The following MSR1 variants were observed in gnomAD, a reference collection of about 807,000 sequenced individuals.
MSR1 encodes macrophage scavenger receptor types I and II.
Under a neutral mutation model 47.2 loss-of-function variants are expected in MSR1, and 53 were observed. The observed-to-expected ratio is 1.12, with a 90% CI of 0.90 to 1.41. MSR1 has a LOEUF of 1.41. Among genes scored for constraint, MSR1 ranks in the 40% most tolerant of loss-of-function variants. The probability of loss-of-function intolerance (pLI) is 0.00; values close to 1 mark genes in which losing one functional copy is unlikely to be tolerated. For synonymous variants in MSR1, 239 were observed against 185.6 expected (o/e 1.29, Z -2.34); for missense variants, 786 against 546.9 (o/e 1.44, Z -4.36).
intron 5 of MSR1, among the ~76,000 whole-genome samples, chr8:16,161,717 A>G (rs1276883889): frequency 6.6e-6 from 1 of 151,998 alleles, no homozygotes; most frequent in Non-Finnish European, 1.5e-5. Flanking sequence ...GTAAATTTAC[A>G]TAATTTTACT....
intron 6 of MSR1, among the ~76,000 whole-genome samples, 189 bp from the exon 7 acceptor site, chr8:16,150,500 T>C (rs536935117): frequency 3.3e-5 from 5 of 152,174 alleles, no homozygotes; most frequent in African/African-American, 1.2e-4. Flanking sequence ...TAAACCTTAG[T>C]ACATTCAGCA....
At chr8:16,178,609 G>T (rs1169117791) in intron 1 of MSR1, among the ~76,000 whole-genome samples, 4 of 151,998 alleles carry the variant, frequency 2.6e-5, no homozygotes, top group Non-Finnish European at 4.4e-5. Flanking sequence ...TAATCCTTTG[G>T]GTATATACCC....
At chr8:16,179,312 G>C (rs1801755101) in intron 1 of MSR1, among the ~76,000 whole-genome samples, 1 of 152,136 alleles carries the variant, frequency 6.6e-6, no homozygotes, top group Non-Finnish European at 1.5e-5. Flanking sequence ...TGACAAAAGA[G>C]AGGATTTGGG....
At chr8:16,172,489 G>T (rs557685269) in intron 3 of MSR1, among the ~76,000 whole-genome samples, 1 of 152,172 alleles carries the variant, frequency 6.6e-6, no homozygotes, top group African/African-American at 2.4e-5. Context: ...TGGAGAGATG[G>T]CATTTTGTGA....
chr8:16,160,789 T>A (rs1163518404), intron 5 of MSR1, among the ~76,000 whole-genome samples: 4 of 151,960 alleles, frequency 2.6e-5, no homozygotes, highest in Non-Finnish European at 4.4e-5. Flanking sequence ...CTATATTAAC[T>A]TTTACTTGTT....
intron 1 of MSR1, among the ~76,000 whole-genome samples, chr8:16,182,630 G>A (rs1801867708): frequency 6.6e-6 from 1 of 150,606 alleles, no homozygotes. Context: ...ACACACATTA[G>A]CCTAGGCCTA....
intron 3 of MSR1, among the ~76,000 whole-genome samples, chr8:16,174,390 A>G (rs1202718704): frequency 6.6e-6 from 1 of 152,174 alleles, no homozygotes; most frequent in African/African-American, 2.4e-5. Context: ...ATAAATTCAA[A>G]TGCCAATCGA....
chr8:16,127,608 T>C (rs1563142327), intron 8 of MSR1, among the ~76,000 whole-genome samples: 1 of 152,030 alleles, frequency 6.6e-6, no homozygotes, highest in African/African-American at 2.4e-5. Context: ...AAGGAAAAAA[T>C]GCGGCATTCT....
At chr8:16,162,407 G>T (rs981039892) in intron 5 of MSR1, among the ~76,000 whole-genome samples, 1 of 151,996 alleles carries the variant, frequency 6.6e-6, no homozygotes. Flanking sequence ...TCAGGCAGAA[G>T]GAAAATAATC....
intron 5 of MSR1, among the ~76,000 whole-genome samples, chr8:16,159,482 G>C (rs868773257): frequency 6.6e-6 from 1 of 151,824 alleles, no homozygotes; most frequent in African/African-American, 2.4e-5. Flanking sequence ...TCTTTTAACT[G>C]TATAATTATT....
chr8:16,110,974 A>T (rs1799744138), intron 9 of MSR1, among the ~76,000 whole-genome samples: 1 of 152,112 alleles, frequency 6.6e-6, no homozygotes, highest in African/African-American at 2.4e-5. Flanking sequence ...TTGAAATTTT[A>T]AGGCAGAAGA....
In MSR1 at chr8:16,143,590, T is replaced by C; in HGVS notation, c.1001A>G (p.Gln334Arg). Residue 334 changes from glutamine to arginine, a missense_variant, in exon 8 of 10, where the codon CAG becomes CGG. Gln to Arg is a conservative substitution (Grantham distance 43, BLOSUM62 1). Coordinates refer to ENST00000262101, the MANE Select transcript of MSR1 (RefSeq NM_138715.3). Reference sequence around the variant, plus strand: ...GTTTCCACTCCCCTTTTCCCCTTTCTGGCCTTTTGGTCCAGAATTTCCTTG... The same window carrying C: ...GTTTCCACTCCCCTTTTCCCCTTTCCGGCCTTTTGGTCCAGAATTTCCTTG... The part of the protein sequence containing the change: ...GRPGNSGPKG[Q>R]KGEKGSGNTL... 1.9e-6 allele frequency: 3 copies of C among 1,612,522 alleles called. No homozygotes were observed. The highest frequency in any genetic ancestry group is 2.5e-6 in the Non-Finnish European group (3 of 1,178,988).
intron 1 of MSR1, among the ~76,000 whole-genome samples, chr8:16,191,710 C>T (rs1802204501): frequency 6.6e-6 from 1 of 152,096 alleles, no homozygotes; most frequent in Non-Finnish European, 1.5e-5. Flanking sequence ...AGCTCTTACC[C>T]ACTGCATAAA....
intron 2 of MSR1, among the ~76,000 whole-genome samples, chr8:16,175,847 A>T (rs1585189519): frequency 6.6e-6 from 1 of 152,330 alleles, no homozygotes; most frequent in South Asian, 2.1e-4. Flanking sequence ...AAATGAAATA[A>T]AGTGATTCAC....
intron 3 of MSR1, among the ~76,000 whole-genome samples, chr8:16,170,663 A>G (rs1004069748): frequency 5.3e-5 from 8 of 152,158 alleles, no homozygotes; most frequent in African/African-American, 1.9e-4. Flanking sequence ...TAGATTTTTG[A>G]GAATTAAACA....
In MSR1 at chr8:16,172,172, C is replaced by G. The variant is rs576209144; in HGVS notation, c.217+3015G>C. Among the ~76,000 whole-genome samples, 15 of 152,208 alleles carry G rather than the reference C, an allele frequency of 9.9e-5. No homozygotes were observed. The South Asian group carries it at 2.9e-3, about 30-fold the overall frequency. ...TATGCACATTGCTCTGATTGCTCAA[C>G]CATATACTTTTACTTTCACTGGAAA... is the stretch of plus-strand genomic sequence containing the variant. On this transcript the variant is annotated intron_variant, in intron 3 of 9. Transcript: ENST00000262101.
Position 16,109,405 on chromosome 8 carries a change from A to G in MSR1, c.*680T>C, listed in dbSNP as rs1799706970. Reference sequence around the variant, plus strand: ...AAGTGGCATTTTTGATCCACCAATTATCTGGACAAATATACTGATGGTCAG... The same window carrying G: ...AAGTGGCATTTTTGATCCACCAATTGTCTGGACAAATATACTGATGGTCAG... On this transcript the variant is annotated 3_prime_UTR_variant, in exon 10 of 10. Coordinates refer to ENST00000262101, the MANE Select transcript of MSR1 (RefSeq NM_138715.3). 6.6e-6 allele frequency: 1 copy of G among 152,170 alleles called. No individual in the cohort carries two copies. The allele number at this position is 152,170 out of a possible 1,614,324, so 9.4% of individuals were successfully genotyped here.
intron 8 of MSR1, 144 bp downstream of exon 8, chr8:16,143,414 T>A (rs183441744): frequency 1.6e-6 from 1 of 614,636 alleles, no homozygotes; most frequent in African/African-American, 1.8e-5. Flanking sequence ...GCATGCTTAT[T>A]TGTAGAAAAT....
intron 9 of MSR1, among the ~76,000 whole-genome samples, chr8:16,115,120 G>T (rs549231296): frequency 6.6e-6 from 1 of 152,018 alleles, no homozygotes; most frequent in South Asian, 2.1e-4. Flanking sequence ...CAGAGGTTGC[G>T]GTGAGCCGAG....
Sources: allele counts gnomAD v4.1 joint callset (sites outside exome capture counted in the v4.1 genomes callset), GRCh38; gene constraint gnomAD v4.1.1; transcripts MANE v1.5; gene names NCBI Gene and HGNC (gene_info 2026-07-23, HGNC 2026-07-21).